Variants in CPN1 observed in about 807,000 individuals in gnomAD.
CPN1 encodes carboxypeptidase N catalytic chain.
Under a neutral mutation model 46.4 loss-of-function variants are expected in CPN1, and 37 were observed. That is an observed-to-expected ratio of 0.80 (90% CI 0.61 to 1.05). The LOEUF (loss-of-function observed/expected upper bound fraction) is 1.05. Ranked by LOEUF, CPN1 falls within the 50% of genes least tolerant of loss-of-function variation. CPN1 has a pLI of 0.00. For missense variants in CPN1, 563 were observed against 602.6 expected, an observed-to-expected ratio of 0.93 and a Z score of 0.69; for synonymous variants, 224 against 235.4, an observed-to-expected ratio of 0.95 and a Z score of 0.44.
chr10:100,065,483 A>C, intron 3 of CPN1, 113 bp from the exon 4 acceptor site: 2 of 1,108,786 alleles, frequency 1.8e-6, no homozygotes, highest in Non-Finnish European at 2.6e-6. Flanking sequence ...TCTGAATGAA[A>C]CATTGAGCGT....
At chr10:100,065,609 C>A (rs978895190) in intron 3 of CPN1, among the ~76,000 whole-genome samples, 4 of 152,074 alleles carry the variant, frequency 2.6e-5, no homozygotes, top group Non-Finnish European at 2.9e-5. Flanking sequence ...TCCCAATATA[C>A]AAAAGAGGTA....
chr10:100,072,585 T>C (rs1211538502), intron 2 of CPN1, among the ~76,000 whole-genome samples: 1 of 152,248 alleles, frequency 6.6e-6, no homozygotes, highest in African/African-American at 2.4e-5. Flanking sequence ...TTGAGCAATA[T>C]CAACTTTCTG....
At chr10:100,051,873 A>T (rs2041356173) in intron 7 of CPN1, among the ~76,000 whole-genome samples, 2 of 151,924 alleles carry the variant, frequency 1.3e-5, no homozygotes, top group African/African-American at 4.8e-5. Context: ...AGTGGCACTT[A>T]TTGGAAAAAT....
chr10:100,056,859 A>G lies in CPN1; in HGVS notation c.1011+154T>C, dbSNP rs778203308. On this transcript the variant is annotated intron_variant, in intron 6 of 8. Transcript: ENST00000370418. Reference sequence around the variant, plus strand: ...GAACCACTGCGTTCAGCTGCTCAATAATGTTGAATGAATAAATCTCAATGG... The same window carrying G: ...GAACCACTGCGTTCAGCTGCTCAATGATGTTGAATGAATAAATCTCAATGG... Among the ~76,000 whole-genome samples the G allele has an allele frequency of 4.7e-4, 72 of 151,946 alleles. 1 individual carries two copies. The highest frequency in any genetic ancestry group is 2.4e-4 in the Non-Finnish European group (16 of 67,990).
chr10:100,068,917 T>C (rs1254156786), intron 3 of CPN1, among the ~76,000 whole-genome samples: 2 of 152,248 alleles, frequency 1.3e-5, no homozygotes, highest in Non-Finnish European at 2.9e-5. Context: ...AGAATGCTTC[T>C]GTCCACAGTC....
In CPN1 at chr10:100,069,904, T is replaced by G. The variant is rs370715694; in HGVS notation, c.421-35A>C. 7.4e-5 allele frequency: 120 copies of G among 1,612,330 alleles called. No homozygotes were observed. The African/African-American group carries it at 1.5e-3, about 20-fold the overall frequency. ...AATGAAAAGATGAAAAATGAAGGTT[T>G]CAGATTGAATACTATATTTTCTAAC... On this transcript the variant is annotated intron_variant, in intron 2 of 8. Coordinates refer to ENST00000370418, the MANE Select transcript of CPN1 (RefSeq NM_001308.3).
intron 8 of CPN1, among the ~76,000 whole-genome samples, chr10:100,043,658 T>C (rs1450584333): frequency 2.7e-5 from 4 of 149,330 alleles, no homozygotes; most frequent in East Asian, 3.9e-4. Flanking sequence ...TGGGGATTTA[T>C]TTTACTTTTC....
At chr10:100,054,254 G>A (rs1226640785) in intron 7 of CPN1, 93 bp downstream of exon 7, 5 of 979,866 alleles carry the variant, frequency 5.1e-6, no homozygotes, top group Non-Finnish European at 8.2e-6. Flanking sequence ...CACCCCTGCT[G>A]GTTTCACTAG....
intron 7 of CPN1, 53 bp from the exon 8 acceptor site, chr10:100,048,929 T>C: frequency 7.1e-7 from 1 of 1,412,812 alleles, no homozygotes; most frequent in African/African-American, 1.4e-5. Flanking sequence ...CTGTCCCAAA[T>C]AAGCTAGGGT....
In CPN1 at chr10:100,042,220, G is replaced by A. The variant is rs1037991095; in HGVS notation, c.*207C>T. On this transcript the variant is annotated 3_prime_UTR_variant, in exon 9 of 9. Transcript: ENST00000370418. The stretch of plus-strand genomic sequence containing the variant: ...ATTACAGATGTGAGCCACCACACCC[G>A]GCCACCACATCACCTTTCAATAGAT... 24 of 624,132 alleles carry A rather than the reference G, an allele frequency of 3.8e-5. No individual in the cohort carries two copies. The highest frequency in any genetic ancestry group is 9.2e-5 in the African/African-American group (5 of 54,198). The allele number at this position is 624,132 out of a possible 1,614,324, so 38.7% of individuals were successfully genotyped here. A position where few individuals can be genotyped will look rare whatever the true frequency, so the allele number is the denominator to read the frequency against.
chr10:100,073,018 C>A (rs958730281), intron 2 of CPN1, among the ~76,000 whole-genome samples: 1 of 152,156 alleles, frequency 6.6e-6, no homozygotes. Context: ...ACAGATGAAT[C>A]GCCGTTCTCA....
intron 2 of CPN1, 119 bp from the exon 3 acceptor site, chr10:100,069,988 T>C: frequency 8.3e-7 from 1 of 1,209,494 alleles, no homozygotes; most frequent in East Asian, 2.4e-5. Flanking sequence ...AGTGGTACAA[T>C]CTTGGCTTAC....
intron 7 of CPN1, among the ~76,000 whole-genome samples, chr10:100,049,995 A>G (rs2041340356): frequency 1.3e-5 from 2 of 152,180 alleles, no homozygotes; most frequent in African/African-American, 4.8e-5. Context: ...ATGTCTATCT[A>G]AAGAAATAAG....
At chr10:100,066,429 A>G (rs76282850) in intron 3 of CPN1, among the ~76,000 whole-genome samples, 2,233 of 152,304 alleles carry the variant, frequency 0.015, 35 homozygotes, top group East Asian at 0.07. Context: ...GCTAGTTTAC[A>G]GTGATGGTTT....
intron 6 of CPN1, among the ~76,000 whole-genome samples, chr10:100,055,585 C>T (rs781759329): frequency 1.1e-3 from 160 of 152,122 alleles, no homozygotes; most frequent in Non-Finnish European, 1.9e-3. Context: ...AGTGCAATGG[C>T]GCAATCTCAG....
At chr10:100,068,370 C>T (rs1279651731) in intron 3 of CPN1, among the ~76,000 whole-genome samples, 6 of 151,848 alleles carry the variant, frequency 4.0e-5, no homozygotes, top group Admixed American at 1.3e-4. Context: ...CCCGCCACCA[C>T]GCCTGGCTAA....
intron 3 of CPN1, among the ~76,000 whole-genome samples, chr10:100,069,002 T>C (rs545325433): frequency 1.3e-5 from 2 of 152,354 alleles, no homozygotes; most frequent in Middle Eastern, 3.4e-3. Flanking sequence ...AATCACTACC[T>C]GTGAGAATGT....
At chr10:100,071,724 C>T (rs2041486782) in intron 2 of CPN1, among the ~76,000 whole-genome samples, 1 of 152,200 alleles carries the variant, frequency 6.6e-6, no homozygotes, top group Admixed American at 6.5e-5. Flanking sequence ...ATTCCTTAAA[C>T]AGTACATTAT....
At chr10:100,043,249 A>G (rs1182357745) in intron 8 of CPN1, among the ~76,000 whole-genome samples, 2 of 150,820 alleles carry the variant, frequency 1.3e-5, no homozygotes, top group Non-Finnish European at 3.0e-5. Flanking sequence ...TACAAAAATT[A>G]GCTGGGCTGG....
Sources: gnomAD v4.1 joint callset for allele counts (sites outside exome capture counted in the v4.1 genomes callset) on GRCh38, gnomAD v4.1.1 for gene constraint, MANE v1.5 for transcripts, NCBI Gene and HGNC (gene_info 2026-07-23, HGNC 2026-07-21) for gene names.